Variants in RSRC1 observed in about 807,000 individuals in gnomAD.
The protein encoded by RSRC1 is arginine and serine rich coiled-coil 1.
A neutral mutation model predicts 49.1 loss-of-function variants in RSRC1; 39 were observed. That is an observed-to-expected ratio of 0.79 (90% CI 0.61 to 1.04). The LOEUF is 1.04. Among genes scored for constraint, RSRC1 ranks in the 50% least tolerant of loss-of-function variants. The pLI is 0.00. For synonymous variants in RSRC1, 143 were observed against 130.8 expected (o/e 1.09, Z -0.63); for missense variants, 388 against 402.4 (o/e 0.96, Z 0.31).
intron 6 of RSRC1, among the ~76,000 whole-genome samples, chr3:158,432,843 G>T (rs994952495): frequency 6.6e-6 from 1 of 151,720 alleles, no homozygotes; most frequent in African/African-American, 2.4e-5. Context: ...ATAAAATGAA[G>T]ACATTTATCT....
In RSRC1 at chr3:158,381,255, TTAAC is replaced by T. The variant is rs1455123524; in HGVS notation, c.583+26349_583+26352del. 2.0e-5 allele frequency among the ~76,000 whole-genome samples: 3 copies of T among 150,012 alleles called. No homozygotes were observed. In the South Asian group the frequency reaches 6.2e-4, roughly 31 times the overall value. ...GCATTGTTCAATCATAACTGCACAA[TTAAC>T]TGTTATACATACTGTACTACTGTAA... On this transcript the variant is annotated intron_variant, in intron 6 of 9. Transcript: ENST00000611884.
chr3:158,246,432 T>C (rs768480301), intron 4 of RSRC1, among the ~76,000 whole-genome samples: 2 of 151,832 alleles, frequency 1.3e-5, no homozygotes, highest in Non-Finnish European at 2.9e-5. Context: ...ATGTGTAGAT[T>C]TAATCCTGTC....
chr3:158,422,001 G>C (rs931284619), intron 6 of RSRC1, among the ~76,000 whole-genome samples: 1 of 151,674 alleles, frequency 6.6e-6, no homozygotes, highest in African/African-American at 2.4e-5. Context: ...ACATATGTTT[G>C]GTTTTCATCA....
chr3:158,199,069 G>A (rs765577851), intron 3 of RSRC1, among the ~76,000 whole-genome samples: 1 of 152,146 alleles, frequency 6.6e-6, no homozygotes, highest in African/African-American at 2.4e-5. Flanking sequence ...TCATCAGGGA[G>A]GGTCTTTCTC....
chr3:158,224,195 GTT>G (rs1323153790), intron 4 of RSRC1, among the ~76,000 whole-genome samples: 1 of 151,700 alleles, frequency 6.6e-6, no homozygotes, highest in Non-Finnish European at 1.5e-5. Flanking sequence ...TAAATCTCAG[GTT>G]TCTTCATCAC....
At chr3:158,488,361 A>G (rs950415765) in intron 7 of RSRC1, among the ~76,000 whole-genome samples, 2 of 152,184 alleles carry the variant, frequency 1.3e-5, no homozygotes, top group African/African-American at 2.4e-5. Flanking sequence ...ATTACAATTA[A>G]TAGCATCTTA....
chr3:158,209,288 G>A (rs1175293932), intron 4 of RSRC1, among the ~76,000 whole-genome samples: 2 of 152,092 alleles, frequency 1.3e-5, no homozygotes, highest in Non-Finnish European at 2.9e-5. Context: ...GCTATCATGG[G>A]AGTAGGTTTC....
At chr3:158,343,987 A>G (rs1181618215) in intron 5 of RSRC1, among the ~76,000 whole-genome samples, 1 of 152,196 alleles carries the variant, frequency 6.6e-6, no homozygotes, top group East Asian at 1.9e-4. Context: ...ACAAAAAAAG[A>G]TGAATGAGGC....
At chr3:158,339,358 A>G (rs1456086084) in intron 5 of RSRC1, among the ~76,000 whole-genome samples, 1 of 150,910 alleles carries the variant, frequency 6.6e-6, no homozygotes, top group Non-Finnish European at 1.5e-5. Flanking sequence ...CTAATGTTCT[A>G]TTTCAGGAAT....
At chr3:158,282,037 A>G (rs1229331479) in intron 4 of RSRC1, among the ~76,000 whole-genome samples, 1 of 152,208 alleles carries the variant, frequency 6.6e-6, no homozygotes, top group Non-Finnish European at 1.5e-5. Flanking sequence ...TACTTGGTAC[A>G]CAGCCAGTGC....
chr3:158,516,857 T>A (rs1740577341), intron 7 of RSRC1, among the ~76,000 whole-genome samples: 1 of 152,194 alleles, frequency 6.6e-6, no homozygotes, highest in Non-Finnish European at 1.5e-5. Context: ...TGACCCGATT[T>A]TCCAGGTGCC....
At chr3:158,435,674 T>C (rs1736005037) in intron 6 of RSRC1, among the ~76,000 whole-genome samples, 1 of 151,692 alleles carries the variant, frequency 6.6e-6, no homozygotes, top group South Asian at 2.1e-4. Context: ...TTTTTAATAT[T>C]GAATTATACC....
intron 6 of RSRC1, among the ~76,000 whole-genome samples, chr3:158,425,862 C>T (rs1175954298): frequency 6.6e-6 from 1 of 151,696 alleles, no homozygotes; most frequent in African/African-American, 2.4e-5. Flanking sequence ...TTAATCAAGA[C>T]AACTTCGAAT....
chr3:158,373,086 T>TAA (rs555761775), intron 6 of RSRC1, among the ~76,000 whole-genome samples: 520 of 152,042 alleles, frequency 3.4e-3, no homozygotes, highest in Non-Finnish European at 5.0e-3. Flanking sequence ...TACTAGTTTT[T>TAA]AAAAGATTCA....
Position 158,407,032 on chromosome 3 carries a change from A to G in RSRC1, c.583+52124A>G, listed in dbSNP as rs1006062048. Among the ~76,000 whole-genome samples, 21 of 152,240 alleles carry G rather than the reference A, an allele frequency of 1.4e-4. No individual in the cohort carries two copies. The South Asian group carries it at 4.2e-3, about 30-fold the overall frequency. ...GAAAACAAGGCTTCAGGACACAAAC[A>G]AGATGTTTACCTGGGACCTTGAGCT... On this transcript the variant is annotated intron_variant, in intron 6 of 9. Coordinates refer to ENST00000611884, the MANE Select transcript of RSRC1 (RefSeq NM_001271838.2).
intron 3 of RSRC1, among the ~76,000 whole-genome samples, chr3:158,183,247 G>GT (rs1719732216): frequency 6.6e-6 from 1 of 151,816 alleles, no homozygotes; most frequent in African/African-American, 2.4e-5. Flanking sequence ...AAATAAAATG[G>GT]TTTTTATTAT....
intron 6 of RSRC1, among the ~76,000 whole-genome samples, chr3:158,425,121 G>T (rs1473061503): frequency 6.6e-6 from 1 of 151,582 alleles, no homozygotes; most frequent in Non-Finnish European, 1.5e-5. Context: ...CCTTCTGCTA[G>T]CTTTTGAATG....
intron 7 of RSRC1, among the ~76,000 whole-genome samples, chr3:158,507,636 T>A (rs1403275711): frequency 6.6e-6 from 1 of 152,198 alleles, no homozygotes; most frequent in Non-Finnish European, 1.5e-5. Context: ...CTGTCTTATG[T>A]ATGAAATAAA....
At chr3:158,163,929 G>T (rs1000307494) in intron 3 of RSRC1, among the ~76,000 whole-genome samples, 6 of 152,080 alleles carry the variant, frequency 3.9e-5, no homozygotes, top group Admixed American at 3.9e-4. Flanking sequence ...TGCTATAAAA[G>T]ATATGAGATC....
Sources: allele counts gnomAD v4.1 joint callset (sites outside exome capture counted in the v4.1 genomes callset), GRCh38; gene constraint gnomAD v4.1.1; transcripts MANE v1.5; gene names NCBI Gene and HGNC (gene_info 2026-07-23, HGNC 2026-07-21).